NYAP2: variants seen among roughly 807,000 people sequenced by gnomAD.
The protein encoded by NYAP2 is neuronal tyrosine-phosphorylated phosphoinositide-3-kinase adapter 2.
In NYAP2, 23 loss-of-function variants were observed where a neutral mutation model predicts 50.4. The observed-to-expected ratio is 0.46, with a 90% confidence interval of 0.33 to 0.65. The LOEUF is 0.65. NYAP2 is among the 30% of genes least tolerant of loss of function. NYAP2 has a pLI of 0.02. For synonymous variants in NYAP2, 394 were observed against 365.2 expected (o/e 1.08, Z -0.90); for missense variants, 885 against 861.0 (o/e 1.03, Z -0.35).
chr2:225,579,523 C>G (rs767522684), intron 4 of NYAP2, among the ~76,000 whole-genome samples: 1 of 152,172 alleles, frequency 6.6e-6, no homozygotes, highest in Non-Finnish European at 1.5e-5. Context: ...GGCTTTATTT[C>G]ATTTTTTCTG....
chr2:225,529,815 C>A (rs1691223015), intron 4 of NYAP2, among the ~76,000 whole-genome samples: 1 of 152,232 alleles, frequency 6.6e-6, no homozygotes, highest in Non-Finnish European at 1.5e-5. Flanking sequence ...TCAAGCAATT[C>A]TCCTGCTTCA....
intron 2 of NYAP2, among the ~76,000 whole-genome samples, chr2:225,405,512 ATCTT>A (rs1373103342): frequency 2.6e-5 from 4 of 152,012 alleles, no homozygotes; most frequent in African/African-American, 9.7e-5. Context: ...TTCAATATCT[ATCTT>A]AGGTGTAAAT....
chr2:225,640,367 C>T (rs577192522), intron 6 of NYAP2, among the ~76,000 whole-genome samples: 10 of 152,096 alleles, frequency 6.6e-5, no homozygotes, highest in Non-Finnish European at 1.3e-4. Context: ...AAATCAGCAA[C>T]ATTATGTATG....
intron 3 of NYAP2, among the ~76,000 whole-genome samples, chr2:225,435,304 A>G (rs1380423760): frequency 1.3e-5 from 2 of 152,238 alleles, no homozygotes; most frequent in Non-Finnish European, 2.9e-5. Flanking sequence ...GGTAAGAAAC[A>G]GAAAGTGACC....
the NYAP2 span, among the ~76,000 whole-genome samples, chr2:225,674,269 G>C: frequency 6.6e-6 from 1 of 152,048 alleles, no homozygotes; most frequent in Non-Finnish European, 1.5e-5. Context: ...TGGAGTTGGG[G>C]GTTAAAAATG....
At chr2:225,461,513 C>T (rs1397558125) in intron 3 of NYAP2, among the ~76,000 whole-genome samples, 2 of 152,304 alleles carry the variant, frequency 1.3e-5, no homozygotes, top group East Asian at 1.9e-4. Flanking sequence ...GAAAGATAAA[C>T]TGGTCTCTTT....
At position 225,518,546 on chromosome 2, in the gene NYAP2, A is replaced by ATATATATATATAAATTAGCTTGTGAGCT. The variant is rs1559202471; in HGVS notation, c.523+4886_523+4887insAATTAGCTTGTGAGCTTATATATATATA. ...AATATATATATATATATATATATAT[A>ATATATATATATAAATTAGCTTGTGAGCT]TATATATATATATATATATATATTA... is the stretch of plus-strand genomic sequence containing the variant. On this transcript the variant is annotated intron_variant, in intron 4 of 6. Transcript: ENST00000636099. Among the ~76,000 whole-genome samples, 92 of 74,296 alleles carry ATATATATATATAAATTAGCTTGTGAGCT rather than the reference A, an allele frequency of 1.2e-3. 8 individuals carry two copies. The highest frequency in any genetic ancestry group is 4.6e-3 in the African/African-American group (91 of 19,852). 48.7% of individuals were successfully genotyped at this position (74,296 alleles called of 152,430 possible).
intron 3 of NYAP2, among the ~76,000 whole-genome samples, chr2:225,433,816 CAAAAAAAAA>C (rs35886164): frequency 1.6e-5 from 1 of 62,482 alleles, no homozygotes; most frequent in African/African-American, 7.5e-5. Context: ...GACTCCGTCT[CAAAAAAAAA>C]AAAAAAAAAA....
intron 5 of NYAP2, among the ~76,000 whole-genome samples, chr2:225,588,195 G>C (rs1692421625): frequency 6.6e-6 from 1 of 151,974 alleles, no homozygotes; most frequent in Admixed American, 6.6e-5. Flanking sequence ...CAAAGTGCTG[G>C]GATTATAGGT....
At chr2:225,509,242 G>A (rs750625373) in intron 3 of NYAP2, among the ~76,000 whole-genome samples, 9 of 152,206 alleles carry the variant, frequency 5.9e-5, no homozygotes, top group African/African-American at 1.7e-4. Context: ...GGGTTGCTGC[G>A]TATGACCTTT....
At chr2:225,473,952 T>G (rs534036772) in intron 3 of NYAP2, among the ~76,000 whole-genome samples, 4 of 152,308 alleles carry the variant, frequency 2.6e-5, no homozygotes, top group East Asian at 1.9e-4. Context: ...GGTCTAACAT[T>G]TAAGTCTTGA....
At chr2:225,398,184 A>C (rs1298828091), upstream of NYAP2, among the ~76,000 whole-genome samples, 1 of 151,998 alleles carries the variant, frequency 6.6e-6, no homozygotes, top group Non-Finnish European at 1.5e-5. Context: ...GAACCACTGT[A>C]CTGGCCAAAG....
intron 3 of NYAP2, among the ~76,000 whole-genome samples, chr2:225,496,653 AG>A (rs1233154837): frequency 6.6e-6 from 1 of 152,354 alleles, no homozygotes; most frequent in African/African-American, 2.4e-5. Context: ...AAGTTGAACC[AG>A]GCTTCAGTAA....
At chr2:225,635,094 C>T (rs551800113) in intron 6 of NYAP2, among the ~76,000 whole-genome samples, 4 of 152,304 alleles carry the variant, frequency 2.6e-5, no homozygotes, top group African/African-American at 9.6e-5. Context: ...ACAGCAATAA[C>T]TCAAAGCCAT....
rs528014919 is a variant in NYAP2, at chr2:225,650,885, C to T, written c.1829-547C>T. Among the ~76,000 whole-genome samples, 11 of 152,228 alleles carry T rather than the reference C, an allele frequency of 7.2e-5. No homozygotes were observed. In the South Asian group the frequency reaches 2.3e-3, roughly 32 times the overall value. ...AAATTAGAGAAGAGGTAGGAGAAAG[C>T]TTTTTAAGTTGGAAAAATAATATTA... On this transcript the variant is annotated intron_variant, in intron 6 of 6. Coordinates refer to ENST00000636099, the Ensembl canonical transcript of NYAP2.
intron 3 of NYAP2, among the ~76,000 whole-genome samples, chr2:225,463,680 C>A (rs913185470): frequency 6.6e-6 from 1 of 152,234 alleles, no homozygotes; most frequent in African/African-American, 2.4e-5. Flanking sequence ...ATTTGGAGTT[C>A]TTTTCTTCCA....
chr2:225,492,645 G>A (rs1268563890), intron 3 of NYAP2, among the ~76,000 whole-genome samples: 1 of 152,144 alleles, frequency 6.6e-6, no homozygotes, highest in East Asian at 1.9e-4. Context: ...TACATGCGTG[G>A]CCCTGGCATT....
At chr2:225,660,335 A>G in the NYAP2 span, among the ~76,000 whole-genome samples, 2 of 151,590 alleles carry the variant, frequency 1.3e-5, no homozygotes, top group Admixed American at 6.6e-5. Context: ...CTACTTACTC[A>G]CCTCTTTGAA....
At chr2:225,485,471 GT>G (rs1690274537) in intron 3 of NYAP2, among the ~76,000 whole-genome samples, 1 of 152,252 alleles carries the variant, frequency 6.6e-6, no homozygotes, top group South Asian at 2.1e-4. Context: ...TTTTAGAAAG[GT>G]TACTTGAGAG....
Sources: allele counts gnomAD v4.1 joint callset (sites outside exome capture counted in the v4.1 genomes callset), GRCh38; gene constraint gnomAD v4.1.1; transcripts MANE v1.5; gene names NCBI Gene and HGNC (gene_info 2026-07-23, HGNC 2026-07-21).